Variants in STAG1 observed in about 807,000 individuals in gnomAD.
STAG1 encodes the protein STAG1 cohesin complex component.
Under a neutral mutation model 170.9 loss-of-function variants are expected in STAG1, and 26 were observed. The ratio of observed to expected loss-of-function variants is 0.15; its 90% CI spans 0.11 to 0.21. STAG1 has a LOEUF of 0.21. Ranked by LOEUF, STAG1 falls within the 10% of genes least tolerant of loss-of-function variation. The pLI is 1.00. For synonymous variants in STAG1, 514 were observed against 497.7 expected (o/e 1.03, Z -0.44); for missense variants, 964 against 1,509.5 (o/e 0.64, Z 5.99).
At chr3:136,587,776 G>A (rs1937916009) in intron 4 of STAG1, among the ~76,000 whole-genome samples, 1 of 152,054 alleles carries the variant, frequency 6.6e-6, no homozygotes, top group Admixed American at 6.6e-5. Flanking sequence ...CCAATGTGGT[G>A]AAACCCTATC....
At chr3:136,439,101 C>A (rs2088547816) in intron 15 of STAG1, among the ~76,000 whole-genome samples, 1 of 145,168 alleles carries the variant, frequency 6.9e-6, no homozygotes, top group African/African-American at 2.6e-5. Context: ...GAGGCTGACA[C>A]ATGAGAATCG....
intron 1 of STAG1, among the ~76,000 whole-genome samples, chr3:136,656,666 G>A (rs1483630253): frequency 9.9e-6 from 1 of 101,362 alleles, no homozygotes; most frequent in Non-Finnish European, 1.9e-5. Flanking sequence ...ATGGAGAAAA[G>A]GAGAATGAGT....
At chr3:136,377,038 A>C (rs760477692) in intron 23 of STAG1, among the ~76,000 whole-genome samples, 72 of 149,990 alleles carry the variant, frequency 4.8e-4, no homozygotes, top group Non-Finnish European at 2.7e-4. Context: ...CGGCCTCCCA[A>C]AGTGCTGGGA....
intron 5 of STAG1, among the ~76,000 whole-genome samples, chr3:136,548,934 C>G (rs1351486682): frequency 2.0e-5 from 3 of 152,172 alleles, no homozygotes; most frequent in East Asian, 3.9e-4. Context: ...TCTCTTCCTC[C>G]TGCTCTGGCC....
chr3:136,494,592 G>C (rs980907578), intron 9 of STAG1, among the ~76,000 whole-genome samples: 1 of 152,028 alleles, frequency 6.6e-6, no homozygotes, highest in African/African-American at 2.4e-5. Context: ...ATAACCATGT[G>C]GAATTTCTCC....
intron 23 of STAG1, among the ~76,000 whole-genome samples, chr3:136,377,068 C>T (rs567683079): frequency 1.8e-4 from 27 of 150,052 alleles, no homozygotes; most frequent in South Asian, 1.1e-3. Flanking sequence ...TGAGCCACTG[C>T]GCCCGGCCAT....
chr3:136,498,210 T>TTATATATATATA lies in STAG1; in HGVS notation c.902+2001_902+2012dup, dbSNP rs374645920. The stretch of plus-strand genomic sequence containing the variant: ...TCCATCTTAAAAAAAAAAAAAAAAA[T>TTATATATATATA]TATATATATATATATATATATATAC... On this transcript the variant is annotated intron_variant, in intron 9 of 33. Transcript: ENST00000383202. 1.3e-3 allele frequency among the ~76,000 whole-genome samples: 68 copies of TTATATATATATA among 50,816 alleles called. 2 individuals carry two copies. Among genetic ancestry groups the TTATATATATATA allele is most frequent in the East Asian group, 8.9e-3 (1 of 112 alleles). 33.3% of individuals were successfully genotyped at this position (50,816 alleles called of 152,430 possible).
At chr3:136,454,153 G>A (rs755288453) in intron 13 of STAG1, among the ~76,000 whole-genome samples, 8 of 151,902 alleles carry the variant, frequency 5.3e-5, no homozygotes, top group African/African-American at 1.9e-4. Flanking sequence ...GGAGTGCAGC[G>A]GCACAATCTC....
At chr3:136,739,085 G>A (rs1018971910) in intron 1 of STAG1, among the ~76,000 whole-genome samples, 1 of 152,142 alleles carries the variant, frequency 6.6e-6, no homozygotes. Flanking sequence ...AAAATGCAAA[G>A]TATTTCAACA....
chr3:136,493,194 T>A (rs551784170), intron 9 of STAG1, among the ~76,000 whole-genome samples: 1 of 152,002 alleles, frequency 6.6e-6, no homozygotes, highest in South Asian at 2.1e-4. Flanking sequence ...ATACAAAAAA[T>A]TAACCAGGTA....
chr3:136,369,016 G>T, intron 24 of STAG1, 92 bp downstream of exon 24: 1 of 1,222,332 alleles, frequency 8.2e-7, no homozygotes, highest in Non-Finnish European at 1.1e-6. Flanking sequence ...AAGAAATCTC[G>T]ATAATTTTTA....
chr3:136,593,365 C>A (rs1337871453), intron 4 of STAG1, among the ~76,000 whole-genome samples: 1 of 152,084 alleles, frequency 6.6e-6, no homozygotes, highest in Non-Finnish European at 1.5e-5. Flanking sequence ...CCCAGAATGC[C>A]CACCAGCGTC....
At chr3:136,721,488 G>C (rs1220326003) in intron 1 of STAG1, 5 of 152,196 alleles carry the variant, frequency 3.3e-5, no homozygotes. Context: ...TGCTGCCAAA[G>C]TGAGCACTCT....
chr3:136,710,490 A>G (rs1230342297), intron 1 of STAG1, among the ~76,000 whole-genome samples: 1 of 152,188 alleles, frequency 6.6e-6, no homozygotes, highest in Non-Finnish European at 1.5e-5. Context: ...ACTATGCAGT[A>G]TTAAGCCTAC....
At chr3:136,496,638 T>C (rs935538136) in intron 9 of STAG1, among the ~76,000 whole-genome samples, 2 of 152,088 alleles carry the variant, frequency 1.3e-5, no homozygotes, top group Non-Finnish European at 2.9e-5. Context: ...TTAGGACACA[T>C]AGCTAAAGCA....
chr3:136,720,770 C>T (rs1180763309), intron 1 of STAG1, among the ~76,000 whole-genome samples: 1 of 150,638 alleles, frequency 6.6e-6, no homozygotes, highest in Non-Finnish European at 1.5e-5. Flanking sequence ...GTCTGGGTGA[C>T]AGAGCAAGAT....
chr3:136,627,396 T>C (rs1332351797), intron 2 of STAG1, among the ~76,000 whole-genome samples: 1 of 152,204 alleles, frequency 6.6e-6, no homozygotes, highest in Non-Finnish European at 1.5e-5. Context: ...GGCTTTTGCA[T>C]CTCTCTGTCT....
rs539298529 is a variant in STAG1, at chr3:136,349,504, T to C, written c.3066-141A>G. On this transcript the variant is annotated intron_variant, in intron 28 of 33. Coordinates refer to ENST00000383202, the MANE Select transcript of STAG1 (RefSeq NM_005862.3). ...ATTAAACTATTAACAGTGGTCACCTTTGGAAAGAGAGGGACTGAGGAGTTA... is the reference window on the plus strand; with the variant it reads ...ATTAAACTATTAACAGTGGTCACCTCTGGAAAGAGAGGGACTGAGGAGTTA... 20 of 659,866 alleles carry C rather than the reference T, an allele frequency of 3.0e-5. No homozygotes were observed. In the African/African-American group the frequency reaches 3.1e-4, roughly 10 times the overall value. The allele number at this position is 659,866 out of a possible 1,614,324, so 40.9% of individuals were successfully genotyped here. A position where few individuals can be genotyped will look rare whatever the true frequency, so the allele number is the denominator to read the frequency against.
At chr3:136,589,649 A>G (rs1022529111) in intron 4 of STAG1, among the ~76,000 whole-genome samples, 82 of 145,178 alleles carry the variant, frequency 5.6e-4, no homozygotes, top group African/African-American at 2.1e-3. Context: ...AAAAAAAAAA[A>G]GCCAAATGCA....
Sources: allele counts gnomAD v4.1 joint callset (sites outside exome capture counted in the v4.1 genomes callset), GRCh38; gene constraint gnomAD v4.1.1; transcripts MANE v1.5; gene names NCBI Gene and HGNC (gene_info 2026-07-23, HGNC 2026-07-21).